The following CCL25 variants were observed in gnomAD, a reference collection of about 807,000 sequenced individuals.
CCL25 encodes C-C motif chemokine ligand 25, also known as C-C motif chemokine 25.
CCL25 carries 14 observed loss-of-function variants against 19.9 expected under a neutral mutation model. The ratio of observed to expected loss-of-function variants is 0.70; its 90% confidence interval spans 0.47 to 1.10. The LOEUF (loss-of-function observed/expected upper bound fraction) is 1.10. Ranked by LOEUF, CCL25 falls within the 50% of genes least tolerant of loss-of-function variation. The pLI, the probability that CCL25 is intolerant of heterozygous loss-of-function variation, is 0.00. For missense variants in CCL25, 151 were observed against 181.2 expected, an observed-to-expected ratio of 0.83 and a Z score of 0.96; for synonymous variants, 68 against 73.2, an observed-to-expected ratio of 0.93 and a Z score of 0.36.
At chr19:8,062,156 A>G in intron 5 of CCL25, 62 bp from the exon 6 acceptor site, 1 of 1,563,362 alleles carries the variant, frequency 6.4e-7, no homozygotes, top group South Asian at 1.1e-5. Context: ...AGACAAATGC[A>G]TATAGTTACT....
chr19:8,060,121 C>G (rs994167733), intron 5 of CCL25, among the ~76,000 whole-genome samples: 1 of 151,078 alleles, frequency 6.6e-6, no homozygotes, highest in Non-Finnish European at 1.5e-5. Context: ...AAAAATTGAG[C>G]CCAGGAGTTT....
At chr19:8,056,570 C>A in intron 4 of CCL25, 71 bp downstream of exon 4, 1 of 1,564,930 alleles carries the variant, frequency 6.4e-7, no homozygotes, top group Admixed American at 1.7e-5. Context: ...GTGGTTCAGA[C>A]CCCGAGGGAG....
Position 8,053,118 on chromosome 19 carries a change from C to T in CCL25, c.69C>T (p.Thr23=). Residue 23 remains threonine, a synonymous_variant, in exon 2 of 6, where the codon ACC becomes ACT. Coordinates refer to ENST00000315626, the MANE Select transcript of CCL25 (RefSeq NM_005624.4). ...GAGCCTGGGCCCCCGCTGTCCACACCCAAGGTACTGTGTTCGGCAATGCCT... is the reference window on the plus strand; with the variant it reads ...GAGCCTGGGCCCCCGCTGTCCACACTCAAGGTACTGTGTTCGGCAATGCCT... The part of the protein sequence containing the change: ...FLGAWAPAVH[T]QGVFEDCCLA... The T allele has an allele frequency of 1.3e-6, 2 of 1,553,970 alleles. No individual in the cohort carries two copies. Among genetic ancestry groups the T allele is most frequent in the Non-Finnish European group, 1.7e-6 (2 of 1,148,070 alleles).
In CCL25 at chr19:8,062,452, G is replaced by A; in HGVS notation, c.*227G>A. On this transcript the variant is annotated 3_prime_UTR_variant, in exon 6 of 6. Transcript: ENST00000315626. Reference sequence around the variant, plus strand: ...AAGCCTTTTGCCGCTCCGGGGACCAGCAGCAATCCTGGGCAGCCAGTGGCT... The same window carrying A: ...AAGCCTTTTGCCGCTCCGGGGACCAACAGCAATCCTGGGCAGCCAGTGGCT... 1.8e-6 allele frequency: 1 copy of A among 565,146 alleles called. No individual in the cohort carries two copies. The highest frequency in any genetic ancestry group is 2.9e-5 in the East Asian group (1 of 34,324). 35.0% of individuals were successfully genotyped at this position (565,146 alleles called of 1,614,324 possible).
chr19:8,053,390 G>T (rs1391897218), intron 2 of CCL25, among the ~76,000 whole-genome samples: 1 of 152,022 alleles, frequency 6.6e-6, no homozygotes, highest in Non-Finnish European at 1.5e-5. Flanking sequence ...GCTTCCAGCT[G>T]TGGGCAAAGC....
rs1244210149 is a variant in CCL25 at position 8,062,466 on chromosome 19, C to A, written c.*241C>A. 1 of 557,752 alleles carries A rather than the reference C, an allele frequency of 1.8e-6. No individual in the cohort carries two copies. The highest frequency in any genetic ancestry group is 3.1e-5 in the Admixed American group (1 of 32,508). The allele number at this position is 557,752 out of a possible 1,614,324, so 34.6% of individuals were successfully genotyped here. A position where few individuals can be genotyped will look rare whatever the true frequency, so the allele number is the denominator to read the frequency against. ...TCCGGGGACCAGCAGCAATCCTGGG[C>A]AGCCAGTGGCTCTTGTAGAGAAGAC... On this transcript the variant is annotated 3_prime_UTR_variant, in exon 6 of 6. Transcript: ENST00000315626.
intron 2 of CCL25, among the ~76,000 whole-genome samples, chr19:8,054,006 G>C (rs1382451018): frequency 6.6e-6 from 1 of 152,206 alleles, no homozygotes; most frequent in South Asian, 2.1e-4. Context: ...GTTATTAATA[G>C]GGAACTCTTT....
chr19:8,061,846 T>A, intron 5 of CCL25, among the ~76,000 whole-genome samples: 1 of 151,614 alleles, frequency 6.6e-6, no homozygotes, highest in East Asian at 1.9e-4. Context: ...AATTAGCTAC[T>A]AAAAATACAA....
chr19:8,061,204 G>A (rs1265841721), intron 5 of CCL25, among the ~76,000 whole-genome samples: 1 of 150,352 alleles, frequency 6.7e-6, no homozygotes, highest in Non-Finnish European at 1.5e-5. Context: ...GGGCAGGCTG[G>A]TCTTGAACTC....
Position 8,062,429 on chromosome 19 carries a change from G to A in CCL25, c.*204G>A. 1.7e-6 allele frequency: 1 copy of A among 583,310 alleles called. No individual in the cohort carries two copies. Among genetic ancestry groups the A allele is most frequent in the Non-Finnish European group, 3.1e-6 (1 of 326,856 alleles). The allele number at this position is 583,310 out of a possible 1,614,324, so 36.1% of individuals were successfully genotyped here. A position where few individuals can be genotyped will look rare whatever the true frequency, so the allele number is the denominator to read the frequency against. ...AAAGAGGGAGTTGGCCTGATTTTAAGCCTTTTGCCGCTCCGGGGACCAGCA... is the reference window on the plus strand; with the variant it reads ...AAAGAGGGAGTTGGCCTGATTTTAAACCTTTTGCCGCTCCGGGGACCAGCA... On this transcript the variant is annotated 3_prime_UTR_variant, in exon 6 of 6. Transcript: ENST00000315626.
At chr19:8,061,718 G>A (rs934697338) in intron 5 of CCL25, among the ~76,000 whole-genome samples, 3 of 152,014 alleles carry the variant, frequency 2.0e-5, no homozygotes, top group African/African-American at 7.2e-5. Flanking sequence ...AAAAGGCCAG[G>A]TGCGGTGGCT....
Position 8,053,093 on chromosome 19 carries a change from G to A in CCL25, c.44G>A (p.Gly15Glu), listed in dbSNP as rs1209248931. The A allele has an allele frequency of 1.9e-6, 3 of 1,557,018 alleles. No homozygotes were observed. Among genetic ancestry groups the A allele is most frequent in the South Asian group, 2.4e-5 (2 of 84,392 alleles). Reference sequence around the variant, plus strand: ...GCCTGCCTGGTGGCCGGCTTCCTGGGAGCCTGGGCCCCCGCTGTCCACACC... The same window carrying A: ...GCCTGCCTGGTGGCCGGCTTCCTGGAAGCCTGGGCCCCCGCTGTCCACACC... ...LLACLVAGFL[G>E]AWAPAVHTQG... Residue 15 changes from glycine to glutamate, a missense_variant, in exon 2 of 6, where the codon GGA becomes GAA. Gly to Glu is a moderately conservative substitution (Grantham distance 98). Coordinates refer to ENST00000315626, the MANE Select transcript of CCL25 (RefSeq NM_005624.4).
At chr19:8,058,246 G>C (rs1462310292) in intron 5 of CCL25, among the ~76,000 whole-genome samples, 9 of 144,908 alleles carry the variant, frequency 6.2e-5, no homozygotes, top group African/African-American at 1.5e-4. Flanking sequence ...GTGTGTGTGT[G>C]TCTCTCTCTA....
intron 1 of CCL25, 33 bp from the exon 2 acceptor site, chr19:8,052,967 C>A: frequency 1.1e-6 from 1 of 914,180 alleles, no homozygotes; most frequent in Non-Finnish European, 1.7e-6. Context: ...CCTCCTCTTC[C>A]TCAGTCCTTA....
intron 5 of CCL25, 130 bp from the exon 6 acceptor site, chr19:8,062,088 G>A (rs1312798058): frequency 1.4e-5 from 10 of 712,634 alleles, no homozygotes; most frequent in Non-Finnish European, 2.4e-5. Flanking sequence ...AAAGATTCTA[G>A]CACTCCTATT....
chr19:8,060,186 T>A (rs958991984), intron 5 of CCL25, among the ~76,000 whole-genome samples: 13 of 148,756 alleles, frequency 8.7e-5, no homozygotes, highest in South Asian at 2.1e-4. Flanking sequence ...AAAAAACAAA[T>A]TTAAATTAGC....
Position 8,053,022 on chromosome 19 carries a change from T to C in CCL25, c.-28T>C. On this transcript the variant is annotated 5_prime_UTR_variant, in exon 2 of 6. Transcript: ENST00000315626. ...CAGGTGGCCCCGTTATTCGTCCAGG[T>C]GCCCAGGGAGGAGGACCCGCCTGCA... The C allele has an allele frequency of 6.5e-7, 1 of 1,527,520 alleles. No individual in the cohort carries two copies. Among genetic ancestry groups the C allele is most frequent in the Non-Finnish European group, 8.9e-7 (1 of 1,129,796 alleles). 94.6% of individuals were successfully genotyped at this position (1,527,520 alleles called of 1,614,324 possible).
In CCL25 at chr19:8,059,153, T is replaced by TATATAATATATATAAATATATATTATATA. The variant is rs2081300247; in HGVS notation, c.445+1238_445+1239insATATATATAAATATATATTATATAATATA. On this transcript the variant is annotated intron_variant, in intron 5 of 5. Transcript: ENST00000315626. Reference sequence around the variant, plus strand: ...TAAATATATATTATATAATATATAATATATATAATATATAATATATATAAT... The same window carrying TATATAATATATATAAATATATATTATATA: ...TAAATATATATTATATAATATATAATATATAATATATATAAATATATATTATATAATATATAATATATAATATATATAAT... Among the ~76,000 whole-genome samples the TATATAATATATATAAATATATATTATATA allele has an allele frequency of 3.9e-5, 3 of 77,784 alleles. No individual in the cohort carries two copies. The Admixed American group carries it at 6.8e-4, about 18-fold the overall frequency. The allele number at this position is 77,784 out of a possible 152,430, so 51.0% of individuals were successfully genotyped here.
chr19:8,058,625 G>GTATATATAATA (rs2081292534), intron 5 of CCL25, among the ~76,000 whole-genome samples: 1 of 125,266 alleles, frequency 8.0e-6, no homozygotes, highest in Non-Finnish European at 1.6e-5. Context: ...TATATATAAT[G>GTATATATAATA]TATAAATAAT....
Sources: gnomAD v4.1 joint callset for allele counts (sites outside exome capture counted in the v4.1 genomes callset) on GRCh38, gnomAD v4.1.1 for gene constraint, MANE v1.5 for transcripts, NCBI Gene and HGNC (gene_info 2026-07-23, HGNC 2026-07-21) for gene names.